ZFP90: variants seen among roughly 807,000 people sequenced by gnomAD.
The protein encoded by ZFP90 is zinc finger protein 90 homolog.
Under a neutral mutation model 60.8 loss-of-function variants are expected in ZFP90, and 38 were observed. That is an observed-to-expected ratio of 0.62 (90% CI 0.48 to 0.82). The LOEUF is 0.82. ZFP90 is among the 40% of genes least tolerant of loss of function. The pLI is 0.00. For synonymous variants in ZFP90, 287 were observed against 264.8 expected (o/e 1.08, Z -0.82); for missense variants, 711 against 759.1 (o/e 0.94, Z 0.74).
upstream of ZFP90, among the ~76,000 whole-genome samples, chr16:68,536,583 C>T (rs1597704754): frequency 6.6e-6 from 1 of 152,306 alleles, no homozygotes; most frequent in East Asian, 1.9e-4. Context: ...GAATTATAGG[C>T]CACTGTGCCT....
Position 68,563,137 on chromosome 16 carries a change from TAGA to T in ZFP90, c.354_356del (p.Glu118del), listed in dbSNP as rs769773930. ...ACACATGATCTCTTACATGCTACAT[TAGA>T]AGACTCCTGGGATGTTAGCAGCCAG... On this transcript the variant is annotated inframe_deletion, in exon 5 of 5. Coordinates refer to ENST00000563169, the MANE Select transcript of ZFP90 (RefSeq NM_001305203.2). The T allele has an allele frequency of 6.2e-7, 1 of 1,614,122 alleles. No individual in the cohort carries two copies. The highest frequency in any genetic ancestry group is 1.1e-5 in the South Asian group (1 of 91,080).
chr16:68,558,847 CT>C (rs2091389840), intron 4 of ZFP90, among the ~76,000 whole-genome samples: 1 of 152,172 alleles, frequency 6.6e-6, no homozygotes, highest in African/African-American at 2.4e-5. Context: ...CTGAATTGAA[CT>C]CCCGTATCTC....
Position 68,558,359 on chromosome 16 carries a change from C to A in ZFP90, c.161-114C>A, listed in dbSNP as rs1038259648. 4 of 1,180,880 alleles carry A rather than the reference C, an allele frequency of 3.4e-6. No individual in the cohort carries two copies. In the South Asian group the frequency reaches 3.8e-5, roughly 11 times the overall value. The allele number at this position is 1,180,880 out of a possible 1,614,324, so 73.2% of individuals were successfully genotyped here. ...GATTGCATGACTCCTTAAGTTGCAC[C>A]TTTTTTTTCCTTCAGAGTTCCTGAG... On this transcript the variant is annotated intron_variant, in intron 3 of 4. Transcript: ENST00000563169.
chr16:68,557,975 TGAACAG>T lies in ZFP90; in HGVS notation c.34-19_34-14del. ...AACATTTGTGGGGTTGATCCCCAGT[TGAACAG>T]GAATGTGATTTTACAGGAATCAGTG... On this transcript the variant is annotated splice_polypyrimidine_tract_variant and intron_variant, in intron 2 of 4. Coordinates refer to ENST00000563169, the MANE Select transcript of ZFP90 (RefSeq NM_001305203.2). The T allele has an allele frequency of 6.2e-7, 1 of 1,613,230 alleles. No homozygotes were observed. The highest frequency in any genetic ancestry group is 8.5e-7 in the Non-Finnish European group (1 of 1,179,708).
chr16:68,551,178 T>C (rs2152064708), intron 2 of ZFP90, among the ~76,000 whole-genome samples: 1 of 152,316 alleles, frequency 6.6e-6, no homozygotes, highest in African/African-American at 2.4e-5. Flanking sequence ...CATCTGCTCA[T>C]AAAACTCTTT....
downstream of ZFP90, among the ~76,000 whole-genome samples, chr16:68,570,239 T>A (rs993824346): frequency 4.6e-5 from 7 of 152,196 alleles, no homozygotes; most frequent in Admixed American, 4.6e-4. Context: ...CCTGATGGAT[T>A]CCATGTGGCT....
chr16:68,561,811 G>A (rs1360674491), intron 4 of ZFP90, among the ~76,000 whole-genome samples: 1 of 152,136 alleles, frequency 6.6e-6, no homozygotes, highest in Non-Finnish European at 1.5e-5. Context: ...CTCAGGAGTT[G>A]AGTTGATTCT....
upstream of ZFP90, among the ~76,000 whole-genome samples, chr16:68,538,131 C>T (rs1003763093): frequency 2.6e-5 from 4 of 152,064 alleles, no homozygotes; most frequent in African/African-American, 9.7e-5. Flanking sequence ...AGGCTGGTCT[C>T]GAACTCCTGA....
At chr16:68,543,210 C>T (rs1401997718) in intron 2 of ZFP90, among the ~76,000 whole-genome samples, 2 of 152,080 alleles carry the variant, frequency 1.3e-5, no homozygotes, top group Non-Finnish European at 1.5e-5. Context: ...CTGGTGTATT[C>T]AAGGAGCAGC....
At chr16:68,547,520 A>T (rs1485654339) in intron 2 of ZFP90, among the ~76,000 whole-genome samples, 1 of 152,046 alleles carries the variant, frequency 6.6e-6, no homozygotes, top group Non-Finnish European at 1.5e-5. Context: ...GTCATTTATG[A>T]TCCCTCTTCC....
intron 2 of ZFP90, among the ~76,000 whole-genome samples, chr16:68,544,637 A>C (rs753000646): frequency 2.0e-5 from 3 of 152,032 alleles, no homozygotes; most frequent in African/African-American, 7.2e-5. Flanking sequence ...AGGTCACCCA[A>C]ACTTAGACAA....
In ZFP90 at chr16:68,541,577, G is replaced by T. The variant is rs188018511; in HGVS notation, c.33+1752G>T. ...CTCCCAAAGTTCTGGGATTACAGGC[G>T]TGAGCCACCGGGCCCGGCCTGCGTT... is the stretch of plus-strand genomic sequence containing the variant. On this transcript the variant is annotated intron_variant, in intron 2 of 4. Transcript: ENST00000563169. Among the ~76,000 whole-genome samples the T allele has an allele frequency of 6.8e-4, 103 of 152,208 alleles. 1 individual carries two copies. Among genetic ancestry groups the T allele is most frequent in the Middle Eastern group, 6.8e-3 (2 of 294 alleles).
At position 68,564,205 on chromosome 16, in the gene ZFP90, C is replaced by T; in HGVS notation, c.1418C>T (p.Thr473Ile). ...TDFTDHQRIH[T>I]AENPYDCEQA... ...TTTACTGACCATCAGAGGATCCATACTGCAGAGAACCCCTATGATTGTGAG... is the reference window on the plus strand; with the variant it reads ...TTTACTGACCATCAGAGGATCCATATTGCAGAGAACCCCTATGATTGTGAG... The change falls in exon 5 of 5, where the codon ACT becomes ATT. Residue 473 changes from threonine (T) to isoleucine (I), a missense_variant. Coordinates refer to ENST00000563169, the MANE Select transcript of ZFP90 (RefSeq NM_001305203.2). The T allele has an allele frequency of 6.2e-7, 1 of 1,614,028 alleles. No individual in the cohort carries two copies. The highest frequency in any genetic ancestry group is 1.1e-5 in the South Asian group (1 of 91,074).
At position 68,566,462 on chromosome 16, in the gene ZFP90, T is replaced by G; in HGVS notation, c.*1764T>G. 1 of 985,576 alleles carries G rather than the reference T, an allele frequency of 1.0e-6. No homozygotes were observed. Among genetic ancestry groups the G allele is most frequent in the Non-Finnish European group, 1.2e-6 (1 of 829,920 alleles). The allele number at this position is 985,576 out of a possible 1,614,324, so 61.1% of individuals were successfully genotyped here. On this transcript the variant is annotated 3_prime_UTR_variant, in exon 5 of 5. Coordinates refer to ENST00000563169, the MANE Select transcript of ZFP90 (RefSeq NM_001305203.2). ...AGGATTCATTGCCTTTCTCTCATCATGGATGGCATGCAGCAGCACCCAAGT... is the reference window on the plus strand; with the variant it reads ...AGGATTCATTGCCTTTCTCTCATCAGGGATGGCATGCAGCAGCACCCAAGT...
At chr16:68,548,895 G>T (rs2091203697) in intron 2 of ZFP90, among the ~76,000 whole-genome samples, 1 of 152,002 alleles carries the variant, frequency 6.6e-6, no homozygotes, top group Non-Finnish European at 1.5e-5. Context: ...CTTAGATTTG[G>T]CTGTTAATGC....
intron 2 of ZFP90, chr16:68,573,656 T>G (rs2091578954): frequency 6.6e-6 from 1 of 152,118 alleles, no homozygotes; most frequent in Non-Finnish European, 1.5e-5. Flanking sequence ...CACCACCAGT[T>G]TACAATTAAT....
chr16:68,540,741 G>T (rs1475315022), intron 2 of ZFP90, among the ~76,000 whole-genome samples: 1 of 140,394 alleles, frequency 7.1e-6, no homozygotes, highest in African/African-American at 2.7e-5. Flanking sequence ...GGAAGCTGAG[G>T]CAATAGGATC....
At chr16:68,548,755 G>T (rs2091201400) in intron 2 of ZFP90, among the ~76,000 whole-genome samples, 1 of 152,098 alleles carries the variant, frequency 6.6e-6, no homozygotes, top group Non-Finnish European at 1.5e-5. Flanking sequence ...CTCCCAAAGT[G>T]CTGGGATTAC....
intron 2 of ZFP90, among the ~76,000 whole-genome samples, chr16:68,552,033 T>C (rs1014955507): frequency 4.6e-5 from 7 of 151,982 alleles, no homozygotes; most frequent in Non-Finnish European, 8.8e-5. Context: ...GTGCTGGGAT[T>C]ACAGGCATGA....
Sources: allele counts gnomAD v4.1 joint callset (sites outside exome capture counted in the v4.1 genomes callset), GRCh38; gene constraint gnomAD v4.1.1; transcripts MANE v1.5; gene names NCBI Gene and HGNC (gene_info 2026-07-23, HGNC 2026-07-21).